The following RAPGEF6 variants were observed in gnomAD, a reference collection of about 807,000 sequenced individuals.
RAPGEF6 encodes the protein PDZ domain containing guanine nucleotide exchange factor (GEF) 2.
Under a neutral mutation model 171.4 loss-of-function variants are expected in RAPGEF6, and 56 were observed. The ratio of observed to expected loss-of-function variants is 0.33; its 90% CI spans 0.26 to 0.41. The LOEUF is 0.41. Among genes scored for constraint, RAPGEF6 ranks in the 10% least tolerant of loss-of-function variants. RAPGEF6 has a pLI of 1.00. For synonymous variants in RAPGEF6, 692 were observed against 650.1 expected, an observed-to-expected ratio of 1.06 and a Z score of -0.98; for missense variants, 1,674 against 1,921.4, an observed-to-expected ratio of 0.87 and a Z score of 2.41.
chr5:131,498,797 T>G (rs1040706428), intron 11 of RAPGEF6, among the ~76,000 whole-genome samples, 190 bp from the exon 12 acceptor site: 1 of 152,200 alleles, frequency 6.6e-6, no homozygotes, highest in African/African-American at 2.4e-5. Context: ...ACCCAGAGGT[T>G]GAGAGACAGA....
chr5:131,573,846 G>A (rs925762004), intron 4 of RAPGEF6, among the ~76,000 whole-genome samples: 2 of 152,110 alleles, frequency 1.3e-5, no homozygotes, highest in African/African-American at 4.8e-5. Flanking sequence ...GGGCCAGAAG[G>A]CCACCTTATC....
At chr5:131,467,555 C>G (rs1754444969) in intron 17 of RAPGEF6, among the ~76,000 whole-genome samples, 1 of 152,192 alleles carries the variant, frequency 6.6e-6, no homozygotes, top group Admixed American at 6.5e-5. Context: ...CACATACATG[C>G]CAAGCACAAT....
chr5:131,598,966 A>T (rs2150010111), intron 3 of RAPGEF6, among the ~76,000 whole-genome samples: 1 of 152,350 alleles, frequency 6.6e-6, no homozygotes, highest in Non-Finnish European at 1.5e-5. Flanking sequence ...AAGCCTGAGT[A>T]CAAGCCTGAG....
In RAPGEF6 at chr5:131,424,483, CTCCT is replaced by C. The variant is rs1305078737; in HGVS notation, c.*2779_*2782del. 3 of 152,226 alleles carry C rather than the reference CTCCT, an allele frequency of 2.0e-5. No homozygotes were observed. The highest frequency in any genetic ancestry group is 2.9e-5 in the Non-Finnish European group (2 of 67,986). 9.4% of individuals were successfully genotyped at this position (152,226 alleles called of 1,614,324 possible). A position where few individuals can be genotyped will look rare whatever the true frequency, so the allele number is the denominator to read the frequency against. On this transcript the variant is annotated 3_prime_UTR_variant, in exon 28 of 28. Transcript: ENST00000509018. ...ATCAGTTTTAAGGAAGCTTTTTCTC[CTCCT>C]TCCTTTTTTGTAGAGGAAAGAACAC...
chr5:131,515,665 C>T (rs1758023375), intron 7 of RAPGEF6, among the ~76,000 whole-genome samples: 1 of 152,024 alleles, frequency 6.6e-6, no homozygotes, highest in African/African-American at 2.4e-5. Flanking sequence ...CTGAGGGATT[C>T]CAAGGAAGGA....
In RAPGEF6 at chr5:131,424,829, G is replaced by GTCT; in HGVS notation, c.*2434_*2436dup. The GTCT allele has an allele frequency of 6.6e-6, 1 of 152,342 alleles. No homozygotes were observed. The highest frequency in any genetic ancestry group is 1.9e-4 in the East Asian group (1 of 5,338). 9.4% of individuals were successfully genotyped at this position (152,342 alleles called of 1,614,324 possible). A position where few individuals can be genotyped will look rare whatever the true frequency, so the allele number is the denominator to read the frequency against. On this transcript the variant is annotated 3_prime_UTR_variant, in exon 28 of 28. Transcript: ENST00000509018. ...GCACTGAGCGTTAACTGCTTCAACA[G>GTCT]TCTTGGCAGATTGAGAGTTGTGGCA... is the stretch of plus-strand genomic sequence containing the variant.
intron 17 of RAPGEF6, among the ~76,000 whole-genome samples, chr5:131,471,447 A>G (rs1352857091): frequency 1.3e-5 from 2 of 152,182 alleles, no homozygotes; most frequent in Non-Finnish European, 2.9e-5. Flanking sequence ...TCCTTCTAAT[A>G]CCGAGATGGA....
chr5:131,477,302 T>C (rs1459001851), intron 16 of RAPGEF6, among the ~76,000 whole-genome samples: 3 of 152,204 alleles, frequency 2.0e-5, no homozygotes, highest in Admixed American at 6.5e-5. Flanking sequence ...CTGAAATAAT[T>C]AGCATTTTAC....
At chr5:131,433,225 C>T (rs1446839827) in intron 25 of RAPGEF6, among the ~76,000 whole-genome samples, 1 of 152,136 alleles carries the variant, frequency 6.6e-6, no homozygotes, top group African/African-American at 2.4e-5. Flanking sequence ...AATTTAGTAA[C>T]ACTTTAAAAA....
chr5:131,444,443 G>T (rs1336048760), intron 22 of RAPGEF6, among the ~76,000 whole-genome samples: 1 of 152,168 alleles, frequency 6.6e-6, no homozygotes, highest in Non-Finnish European at 1.5e-5. Context: ...TAAGTTTACA[G>T]ATGAATGACA....
At chr5:131,433,813 A>G (rs1438766791) in intron 24 of RAPGEF6, among the ~76,000 whole-genome samples, 155 bp from the exon 25 acceptor site, 2 of 152,054 alleles carry the variant, frequency 1.3e-5, no homozygotes, top group Admixed American at 6.6e-5. Context: ...AATGGTGCCA[A>G]TTTTCTCCAC....
At chr5:131,530,850 G>GT (rs377398555) in intron 6 of RAPGEF6, among the ~76,000 whole-genome samples, 4 of 151,900 alleles carry the variant, frequency 2.6e-5, no homozygotes, top group African/African-American at 7.3e-5. Context: ...TTTCTTTAAA[G>GT]TTTTTTTTAC....
intron 5 of RAPGEF6, among the ~76,000 whole-genome samples, chr5:131,558,543 C>G (rs1429388517): frequency 6.6e-6 from 1 of 151,960 alleles, no homozygotes. Flanking sequence ...ATATGCTGCT[C>G]TTTAATTTCC....
intron 12 of RAPGEF6, among the ~76,000 whole-genome samples, chr5:131,496,415 C>T (rs1035738539): frequency 6.6e-6 from 1 of 152,054 alleles, no homozygotes; most frequent in African/African-American, 2.4e-5. Context: ...AATTTAGTAC[C>T]TTAACAATAC....
Position 131,613,599 on chromosome 5 carries a change from C to T in RAPGEF6, c.70-8906G>A, listed in dbSNP as rs369719888. 5.9e-5 allele frequency among the ~76,000 whole-genome samples: 9 copies of T among 152,088 alleles called. No individual in the cohort carries two copies. In the East Asian group the frequency reaches 1.5e-3, roughly 26 times the overall value. ...TTTATAATATGAAAACAGCCATGGA[C>T]AACAGGTAAATGAATGGGTGTGACT... On this transcript the variant is annotated intron_variant, in intron 1 of 27. Transcript: ENST00000509018.
intron 3 of RAPGEF6, among the ~76,000 whole-genome samples, chr5:131,595,416 C>A (rs1763838688): frequency 1.3e-5 from 2 of 152,188 alleles, no homozygotes; most frequent in Admixed American, 6.5e-5. Flanking sequence ...AACCTCTTTT[C>A]TTCACAAATT....
At chr5:131,547,055 T>G (rs1182268703) in intron 6 of RAPGEF6, among the ~76,000 whole-genome samples, 1 of 152,244 alleles carries the variant, frequency 6.6e-6, no homozygotes, top group African/African-American at 2.4e-5. Flanking sequence ...TTGTTGTGGC[T>G]CTGGATATGA....
rs187557299 is a variant in RAPGEF6, at chr5:131,487,157, C to T, written c.1840+2389G>A. Reference sequence around the variant, plus strand: ...TGGAGTTTGTTCCTTCAGATGTGTCCGGAGTTTCTTCCTTCCGGTGGGTTC... The same window carrying T: ...TGGAGTTTGTTCCTTCAGATGTGTCTGGAGTTTCTTCCTTCCGGTGGGTTC... On this transcript the variant is annotated intron_variant, in intron 15 of 27. Transcript: ENST00000509018. Among the ~76,000 whole-genome samples, 334 of 152,038 alleles carry T rather than the reference C, an allele frequency of 2.2e-3. 3 individuals are homozygous for T. Among genetic ancestry groups the T allele is most frequent in the Admixed American group, 6.2e-3 (94 of 15,234 alleles).
intron 1 of RAPGEF6, among the ~76,000 whole-genome samples, chr5:131,630,040 T>A (rs2150043079): frequency 6.6e-6 from 1 of 152,328 alleles, no homozygotes; most frequent in South Asian, 2.1e-4. Context: ...TGAAAGAAGT[T>A]ACTGTAGGTA....
Sources: gnomAD v4.1 joint callset for allele counts (sites outside exome capture counted in the v4.1 genomes callset) on GRCh38, gnomAD v4.1.1 for gene constraint, MANE v1.5 for transcripts, NCBI Gene and HGNC (gene_info 2026-07-23, HGNC 2026-07-21) for gene names.